Variants in ZFHX3 observed in about 807,000 individuals in gnomAD.
ZFHX3 encodes zinc finger homeobox 3.
ZFHX3 carries 42 observed loss-of-function variants against 279.1 expected under a neutral mutation model. The observed-to-expected ratio is 0.15, with a 90% CI of 0.12 to 0.19. The LOEUF is 0.19. ZFHX3 is among the 10% of genes least tolerant of loss of function. The pLI is 1.00. For missense variants in ZFHX3, 4,981 were observed against 4,754.0 expected (o/e 1.05, Z -1.40); for synonymous variants, 2,293 against 1,957.8 (o/e 1.17, Z -4.52).
chr16:73,027,273 C>G (rs1157602166), intron 1 of ZFHX3, among the ~76,000 whole-genome samples: 1 of 152,186 alleles, frequency 6.6e-6, no homozygotes, highest in African/African-American at 2.4e-5. Flanking sequence ...TTCTCAATAT[C>G]TACTAATAGA....
chr16:73,366,118 T>C (rs575181987), intron 3 of ZFHX3, among the ~76,000 whole-genome samples: 24 of 152,292 alleles, frequency 1.6e-4, no homozygotes, highest in African/African-American at 5.5e-4. Flanking sequence ...TGATGATCAC[T>C]AGGATACTTT....
intron 2 of ZFHX3, among the ~76,000 whole-genome samples, chr16:73,536,981 C>A (rs2019913207): frequency 6.6e-6 from 1 of 152,138 alleles, no homozygotes; most frequent in Admixed American, 6.5e-5. Flanking sequence ...AGCGGCCAAT[C>A]CTACCTTTCA....
chr16:72,797,458 CTTGTTGTTGTTGTTG>C lies in ZFHX3; in HGVS notation c.5209_5223del (p.Gln1737_Gln1741del), dbSNP rs34918837. The C allele has an allele frequency of 1.1e-5, 17 of 1,605,900 alleles. No individual in the cohort carries two copies. The highest frequency in any genetic ancestry group is 2.7e-5 in the African/African-American group (2 of 74,298). ...GCCTGGGCCTGGGCCAGCGTTTGTG[CTTGTTGTTGTTGTTG>C]TTGTTGTTGTTGTTGCTGTTGCTGC... is the stretch of plus-strand genomic sequence containing the variant. On this transcript the variant is annotated inframe_deletion, in exon 9 of 10. Coordinates refer to ENST00000268489, the MANE Select transcript of ZFHX3 (RefSeq NM_006885.4).
chr16:73,644,716 C>T (rs1192377664), intron 2 of ZFHX3, among the ~76,000 whole-genome samples: 1 of 151,920 alleles, frequency 6.6e-6, no homozygotes, highest in South Asian at 2.1e-4. Context: ...CAGTATAAGA[C>T]ACATCCCTGC....
At position 73,760,320 on chromosome 16, in the gene ZFHX3, G is replaced by A. The variant is rs148210760; in HGVS notation, c.-1607-80080C>T. Among the ~76,000 whole-genome samples, 464 of 152,138 alleles carry A rather than the reference G, an allele frequency of 3.0e-3. 1 individual carries two copies. The highest frequency in any genetic ancestry group is 4.9e-3 in the Non-Finnish European group (335 of 67,976). ...AATCGCCTACCAATCAAAAAATGCC[G>A]AGGACCAGACGGATTTACAGCTGAA... is the stretch of plus-strand genomic sequence containing the variant. On this transcript the variant is annotated intron_variant, in intron 1 of 17. Coordinates refer to the ZFHX3 transcript ENST00000641206.
rs1212511865 is a variant in ZFHX3, at chr16:73,374,139, C to T, written c.-1290-55803G>A. Among the ~76,000 whole-genome samples the T allele has an allele frequency of 2.6e-5, 4 of 151,978 alleles. No homozygotes were observed. In the East Asian group the frequency reaches 7.7e-4, roughly 29 times the overall value. On this transcript the variant is annotated intron_variant, in intron 3 of 17. Transcript: ENST00000641206. ...CAGTTAGCGCAGAAAATGAGGGAGC[C>T]GGCGACAGGAAAAACGTGAAGCAAA...
chr16:73,632,426 TAA>T (rs2052482878), intron 2 of ZFHX3, among the ~76,000 whole-genome samples: 1 of 152,142 alleles, frequency 6.6e-6, no homozygotes, highest in Admixed American at 6.5e-5. Context: ...CTCACGCCTG[TAA>T]TCCCAGCACT....
At chr16:73,102,419 T>A (rs2144788947) in intron 7 of ZFHX3, among the ~76,000 whole-genome samples, 1 of 152,302 alleles carries the variant, frequency 6.6e-6, no homozygotes, top group African/African-American at 2.4e-5. Flanking sequence ...CTGCTGGAAG[T>A]GAATTTCTTT....
chr16:73,058,104 C>G lies in ZFHX3; in HGVS notation c.-24+426G>C, dbSNP rs967816762. 2.6e-4 allele frequency among the ~76,000 whole-genome samples: 38 copies of G among 145,978 alleles called. 1 individual carries two copies. The highest frequency in any genetic ancestry group is 9.1e-4 in the African/African-American group (37 of 40,782). On this transcript the variant is annotated intron_variant, in intron 1 of 8. Transcript: ENST00000397992. ...CGGCCGCCCTCCCGCCCTCGGCCCG[C>G]GCCCCGGCCGGCCCTGCCTGGCGGC...
At chr16:73,503,978 AC>A (rs1340430206) in intron 2 of ZFHX3, among the ~76,000 whole-genome samples, 12 of 152,240 alleles carry the variant, frequency 7.9e-5, no homozygotes, top group Non-Finnish European at 1.8e-4. Context: ...TATTCCAAAA[AC>A]AACAACAAAA....
intron 5 of ZFHX3, among the ~76,000 whole-genome samples, chr16:73,206,129 T>A (rs1207060212): frequency 6.6e-6 from 1 of 152,200 alleles, no homozygotes; most frequent in East Asian, 1.9e-4. Context: ...TACCGTCAAC[T>A]CTTTCCTGTG....
At chr16:73,437,963 G>A (rs562026091) in intron 3 of ZFHX3, among the ~76,000 whole-genome samples, 1 of 152,088 alleles carries the variant, frequency 6.6e-6, no homozygotes, top group South Asian at 2.1e-4. Flanking sequence ...CTGTAATAAG[G>A]ATGATATTCT....
chr16:72,800,385 T>C (rs911692332), intron 7 of ZFHX3, among the ~76,000 whole-genome samples: 2 of 152,246 alleles, frequency 1.3e-5, no homozygotes, highest in East Asian at 1.9e-4. Context: ...TTTTCCTTTA[T>C]GCAGAATTTT....
At chr16:73,296,877 A>ATGTTTTTGTTTTTTTT (rs755308796) in intron 4 of ZFHX3, among the ~76,000 whole-genome samples, 1 of 116,068 alleles carries the variant, frequency 8.6e-6, no homozygotes, top group African/African-American at 3.5e-5. Context: ...TGAAGCAGGA[A>ATGTTTTTGTTTTTTTT]TTTTTTTTTT....
At chr16:73,057,207 G>T (rs1241316639) in intron 1 of ZFHX3, among the ~76,000 whole-genome samples, 1 of 152,178 alleles carries the variant, frequency 6.6e-6, no homozygotes, top group African/African-American at 2.4e-5. Flanking sequence ...TTTTGAAAGC[G>T]CTTGTAATCA....
At chr16:73,348,412 C>T (rs1259759328) in intron 3 of ZFHX3, among the ~76,000 whole-genome samples, 7 of 152,186 alleles carry the variant, frequency 4.6e-5, no homozygotes. Flanking sequence ...TCCTCCCAGC[C>T]CCCCAACCCC....
chr16:73,152,887 C>G (rs749589636), intron 5 of ZFHX3, among the ~76,000 whole-genome samples: 3 of 151,948 alleles, frequency 2.0e-5, no homozygotes. Flanking sequence ...CAAAGCCCTT[C>G]TAATCGCTGC....
chr16:72,996,107 AACACAC>A (rs10550323), intron 1 of ZFHX3, among the ~76,000 whole-genome samples: 46 of 147,064 alleles, frequency 3.1e-4, no homozygotes, highest in Non-Finnish European at 4.8e-4. Context: ...GTCTCTACTA[AACACAC>A]ACACACACAC....
intron 1 of ZFHX3, among the ~76,000 whole-genome samples, chr16:73,830,364 T>G (rs992310582): frequency 2.0e-5 from 3 of 151,538 alleles, no homozygotes; most frequent in Non-Finnish European, 4.4e-5. Context: ...TCACCCGTCT[T>G]CTGCGTCGCT....
Sources: gnomAD v4.1 joint callset for allele counts (sites outside exome capture counted in the v4.1 genomes callset) on GRCh38, gnomAD v4.1.1 for gene constraint, MANE v1.5 for transcripts, NCBI Gene and HGNC (gene_info 2026-07-23, HGNC 2026-07-21) for gene names.